SIGLEC9: variants seen among roughly 807,000 people sequenced by gnomAD.
SIGLEC9 encodes sialic acid-binding Ig-like lectin 9.
In SIGLEC9, 26 loss-of-function variants were observed where a neutral mutation model predicts 38.3. The observed-to-expected ratio is 0.68, with a 90% CI of 0.50 to 0.94. The LOEUF is 0.94. Among genes scored for constraint, SIGLEC9 ranks in the 40% least tolerant of loss-of-function variants. SIGLEC9 has a pLI of 0.00. For missense variants in SIGLEC9, 556 were observed against 585.7 expected, an observed-to-expected ratio of 0.95 and a Z score of 0.52; for synonymous variants, 236 against 248.0, an observed-to-expected ratio of 0.95 and a Z score of 0.45.
rs1169486861 is a variant in SIGLEC9, at chr19:51,127,937, A to G, written c.1016-12A>G. On this transcript the variant is annotated splice_polypyrimidine_tract_variant and intron_variant, in intron 4 of 6. Coordinates refer to ENST00000250360, the MANE Select transcript of SIGLEC9 (RefSeq NM_014441.3). ...ATGATATATCACAAAAATAACTCCC[A>G]TCTGTCAACAGGCAAAGCCACATCA... 1.0e-5 allele frequency: 16 copies of G among 1,586,890 alleles called. No homozygotes were observed. Among genetic ancestry groups the G allele is most frequent in the Non-Finnish European group, 1.3e-5 (15 of 1,156,500 alleles).
At chr19:51,133,734 T>C (rs966457243), downstream of SIGLEC9, among the ~76,000 whole-genome samples, 1 of 152,188 alleles carries the variant, frequency 6.6e-6, no homozygotes, top group Admixed American at 6.5e-5. Context: ...ACTATAATGT[T>C]TGTACAACTG....
chr19:51,124,940 G>A lies in SIGLEC9; in HGVS notation c.-35G>A, dbSNP rs1251562468. ...GAGAGAAGAACCCTGAGGAACAGAC[G>A]TTCCCTCGCGGCCCTGGCACCTCTA... On this transcript the variant is annotated 5_prime_UTR_variant, in exon 1 of 7. Coordinates refer to ENST00000250360, the MANE Select transcript of SIGLEC9 (RefSeq NM_014441.3). 1.4e-5 allele frequency: 22 copies of A among 1,572,542 alleles called. No homozygotes were observed. The highest frequency in any genetic ancestry group is 1.9e-5 in the Non-Finnish European group (22 of 1,159,076).
In SIGLEC9 at chr19:51,126,145, TC is replaced by T; in HGVS notation, c.748+20del. ...ACGGCACAGGTAGGATGGAGCTCCC[TC>T]CCTGGGGCTGGAGGAGCAGGGCCTT... On this transcript the variant is annotated intron_variant, in intron 3 of 6. Coordinates refer to ENST00000250360, the MANE Select transcript of SIGLEC9 (RefSeq NM_014441.3). 1 of 1,611,506 alleles carries T rather than the reference TC, an allele frequency of 6.2e-7. No homozygotes were observed.
chr19:51,123,237 G>A (rs1252785799), upstream of SIGLEC9, among the ~76,000 whole-genome samples: 1 of 152,196 alleles, frequency 6.6e-6, no homozygotes, highest in African/African-American at 2.4e-5. Flanking sequence ...TTCTAGGGAA[G>A]CCGAAGGATT....
upstream of SIGLEC9, among the ~76,000 whole-genome samples, chr19:51,123,569 A>G (rs550266381): frequency 1.4e-3 from 219 of 152,232 alleles, 1 homozygote; most frequent in Middle Eastern, 6.3e-3. Flanking sequence ...CACAGATGAT[A>G]AAACTACCTA....
chr19:51,122,263 G>A (rs565449838), upstream of SIGLEC9, among the ~76,000 whole-genome samples: 20 of 152,170 alleles, frequency 1.3e-4, no homozygotes, highest in African/African-American at 4.3e-4. This position sits in a 1 kb window ranked among gnomAD's most constrained non-coding sequence, Gnocchi z 4.1. Flanking sequence ...GTCAGCTAGC[G>A]TGGACTCCGG....
At chr19:51,120,845 CT>C (rs67740870), upstream of SIGLEC9, 2,566 of 135,392 alleles carry the variant, frequency 0.019, 39 homozygotes, top group African/African-American at 0.047. This position sits in a 1 kb window ranked among gnomAD's most constrained non-coding sequence, Gnocchi z 4.1. Context: ...ATCAGGAATT[CT>C]TTTTTTTTTT....
At chr19:51,130,315 T>C (rs2092008783), downstream of SIGLEC9, 2 of 699,738 alleles carry the variant, frequency 2.9e-6, no homozygotes, top group African/African-American at 1.9e-5. Context: ...TTCCTACCTC[T>C]CTGTACCTTG....
upstream of SIGLEC9, among the ~76,000 whole-genome samples, chr19:51,121,225 G>A (rs182433796): frequency 2.6e-5 from 4 of 152,124 alleles, no homozygotes; most frequent in East Asian, 3.9e-4. Flanking sequence ...ACATGATCTC[G>A]GCTCACTGTA....
chr19:51,132,909 G>A (rs1232246393), downstream of SIGLEC9, among the ~76,000 whole-genome samples: 2 of 151,966 alleles, frequency 1.3e-5, no homozygotes, highest in Admixed American at 6.6e-5. Flanking sequence ...AATGTCAGTT[G>A]TCTGCATATT....
Position 51,128,450 on chromosome 19 carries a change from A to C in SIGLEC9, c.1143A>C (p.Ala381=). The change falls in exon 6 of 7, where the codon GCA becomes GCC. Residue 381 remains alanine (A), a synonymous_variant. Transcript: ENST00000250360. Reference sequence around the variant, plus strand: ...GCAGGAAGAAATCGGCAAGGCCAGCAGCGGGCGTGGGAGATACGGGCATAG... The same window carrying C: ...GCAGGAAGAAATCGGCAAGGCCAGCCGCGGGCGTGGGAGATACGGGCATAG... ...RSCRKKSARP[A]AGVGDTGIED... is the part of the protein sequence containing the mutation. 6.2e-7 allele frequency: 1 copy of C among 1,614,124 alleles called. No individual in the cohort carries two copies. Among genetic ancestry groups the C allele is most frequent in the East Asian group, 2.2e-5 (1 of 44,872 alleles).
chr19:51,134,439 G>A (rs568483917), downstream of SIGLEC9, among the ~76,000 whole-genome samples: 42 of 152,300 alleles, frequency 2.8e-4, no homozygotes, highest in South Asian at 2.7e-3. Context: ...TTACAGGCGT[G>A]AGCCACTGCG....
chr19:51,121,469 C>T (rs1378950607), upstream of SIGLEC9, among the ~76,000 whole-genome samples: 1 of 152,138 alleles, frequency 6.6e-6, no homozygotes, highest in African/African-American at 2.4e-5. Context: ...TTTTCATCCA[C>T]TGTACTCATG....
downstream of SIGLEC9, among the ~76,000 whole-genome samples, chr19:51,132,620 C>A (rs1035609403): frequency 1.3e-5 from 2 of 152,156 alleles, no homozygotes; most frequent in African/African-American, 4.8e-5. Flanking sequence ...GATTCTGGGG[C>A]GGCACTCTTT....
chr19:51,133,709 A>T (rs1449526558), downstream of SIGLEC9, among the ~76,000 whole-genome samples: 2 of 152,188 alleles, frequency 1.3e-5, no homozygotes, highest in Non-Finnish European at 2.9e-5. Context: ...CATAAACCTA[A>T]AAGTAAAAGC....
Position 51,130,016 on chromosome 19 carries a change from T to C in SIGLEC9, c.1329T>C (p.Pro443=). The change falls in exon 7 of 7, where the codon CCT becomes CCC. Residue 443 remains proline (P), a synonymous_variant. Transcript: ENST00000250360. Reference sequence around the variant, plus strand: ...CCCTCAGCTTCCAGATGGTGAAGCCTTGGGACTCGCGGGGACAGGAGGCCA... The same window carrying C: ...CCCTCAGCTTCCAGATGGTGAAGCCCTGGGACTCGCGGGGACAGGAGGCCA... The part of the protein sequence containing the change: ...YASLSFQMVK[P]WDSRGQEATD... 1 of 1,613,964 alleles carries C rather than the reference T, an allele frequency of 6.2e-7. No individual in the cohort carries two copies. Among genetic ancestry groups the C allele is most frequent in the East Asian group, 2.2e-5 (1 of 44,846 alleles).
upstream of SIGLEC9, among the ~76,000 whole-genome samples, chr19:51,124,230 C>T (rs893073484): frequency 2.0e-5 from 3 of 152,222 alleles, no homozygotes; most frequent in African/African-American, 7.2e-5. Context: ...CTCCTGCGAG[C>T]CAGGCTCCCC....
At chr19:51,133,275 A>G (rs1226072606), downstream of SIGLEC9, among the ~76,000 whole-genome samples, 1 of 152,110 alleles carries the variant, frequency 6.6e-6, no homozygotes, top group Non-Finnish European at 1.5e-5. Context: ...AAGACTTTTA[A>G]TAAATGTTGG....
downstream of SIGLEC9, among the ~76,000 whole-genome samples, chr19:51,133,853 T>A (rs1036839099): frequency 1.3e-5 from 2 of 152,170 alleles, no homozygotes; most frequent in Non-Finnish European, 2.9e-5. Flanking sequence ...TATTTAAAAT[T>A]GATTACATGT....
Sources: allele counts gnomAD v4.1 joint callset (sites outside exome capture counted in the v4.1 genomes callset), GRCh38; gene constraint gnomAD v4.1.1; non-coding constraint Gnocchi (gnomAD v3.1); transcripts MANE v1.5; gene names NCBI Gene and HGNC (gene_info 2026-07-23, HGNC 2026-07-21).